The following TRERF1 variants were observed in gnomAD, a reference collection of about 807,000 sequenced individuals.
TRERF1 encodes the protein transcriptional-regulating factor 1.
In TRERF1, 27 loss-of-function variants were observed where a neutral mutation model predicts 122.9. That is an observed-to-expected ratio of 0.22 (90% confidence interval 0.16 to 0.30). TRERF1 has a LOEUF of 0.30. TRERF1 is among the 10% of genes least tolerant of loss of function. The pLI is 1.00. For missense variants in TRERF1, 1,248 were observed against 1,560.3 expected (o/e 0.80, Z 3.37); for synonymous variants, 636 against 641.7 (o/e 0.99, Z 0.13).
Position 42,228,161 on chromosome 6 carries a change from C to T in TRERF1, c.*184G>A. ...AATTATTTATTCCCCCAACCCCCCA[C>T]AAAAACAAATTTTTTTAAATAAAAG... On this transcript the variant is annotated 3_prime_UTR_variant, in exon 18 of 18. Coordinates refer to ENST00000372922, the Ensembl canonical transcript of TRERF1. The surrounding 1 kb of genome is among the most constrained non-coding windows in gnomAD (Gnocchi z 4.2). The T allele has an allele frequency of 1.8e-6, 1 of 563,496 alleles. No individual in the cohort carries two copies. 34.9% of individuals were successfully genotyped at this position (563,496 alleles called of 1,614,324 possible).
chr6:42,289,152 C>T (rs1783834236), intron 4 of TRERF1, among the ~76,000 whole-genome samples: 3 of 151,800 alleles, frequency 2.0e-5, no homozygotes, highest in African/African-American at 4.8e-5. Context: ...GGTGAAACCC[C>T]ATCTCTACTA....
intron 2 of TRERF1, among the ~76,000 whole-genome samples, chr6:42,417,365 T>C (rs1781988458): frequency 6.7e-6 from 1 of 149,450 alleles, no homozygotes; most frequent in Non-Finnish European, 1.5e-5. Context: ...CTGCCTCCTA[T>C]GCACAGTATG....
At position 42,268,216 on chromosome 6, in the gene TRERF1, T is replaced by C; in HGVS notation, c.1375A>G (p.Ile459Val). 6.8e-7 allele frequency: 1 copy of C among 1,480,920 alleles called. No homozygotes were observed. The highest frequency in any genetic ancestry group is 2.3e-5 in the East Asian group (1 of 42,574). 91.7% of individuals were successfully genotyped at this position (1,480,920 alleles called of 1,614,324 possible). Residue 459 changes from isoleucine (I) to valine (V), a missense_variant, in exon 5 of 18, where the codon ATC (isoleucine) becomes GTC (valine). Coordinates refer to ENST00000372922, the Ensembl canonical transcript of TRERF1. The surrounding 1 kb of genome is among the most constrained non-coding windows in gnomAD (Gnocchi z 4.4). ...TGAGGCCCCATGTTGTTGAGGTGGA[T>C]CCCACTGGGGGATAGGAGGGGGCGA...
In TRERF1 at chr6:42,259,586, A is replaced by C; in HGVS notation, c.2022T>G (p.Ala674=). 6.2e-7 allele frequency: 1 copy of C among 1,613,860 alleles called. No homozygotes were observed. The highest frequency in any genetic ancestry group is 8.5e-7 in the Non-Finnish European group (1 of 1,179,900). The change falls in exon 9 of 18, where the codon GCT becomes GCG. Residue 674 remains alanine (A), a synonymous_variant. Transcript: ENST00000372922. The surrounding 1 kb of genome is among the most constrained non-coding windows in gnomAD (Gnocchi z 4.9). ...ACAGGGTGGCGCCCGAGTAGGAGGC[A>C]GCGGGGTTCGGGTTGTAGGAGGGCG...
intron 2 of TRERF1, among the ~76,000 whole-genome samples, chr6:42,430,482 G>T (rs538314081): frequency 2.6e-5 from 4 of 152,356 alleles, no homozygotes; most frequent in South Asian, 4.1e-4. Flanking sequence ...AGGCGCTATG[G>T]CTCATGCCTG....
chr6:42,394,787 A>T (rs537473941), intron 2 of TRERF1, among the ~76,000 whole-genome samples: 53 of 152,228 alleles, frequency 3.5e-4, no homozygotes, highest in Non-Finnish European at 7.1e-4. Flanking sequence ...ATATTTAATC[A>T]TTTTAAAGGA....
intron 2 of TRERF1, among the ~76,000 whole-genome samples, chr6:42,391,774 G>T (rs1224230071): frequency 1.3e-5 from 2 of 152,268 alleles, no homozygotes; most frequent in East Asian, 3.9e-4. Context: ...TCAGAACATG[G>T]AGCAGTGGGC....
chr6:42,233,379 A>T (rs566745796), intron 16 of TRERF1, among the ~76,000 whole-genome samples: 1 of 141,174 alleles, frequency 7.1e-6, no homozygotes, highest in Admixed American at 7.8e-5. Context: ...TCCGCCTCCC[A>T]GGTTCACACC....
intron 2 of TRERF1, among the ~76,000 whole-genome samples, chr6:42,378,400 A>AC (rs375397709): frequency 1.2e-4 from 18 of 151,944 alleles, no homozygotes; most frequent in African/African-American, 3.9e-4. Context: ...AAAAAAAAAA[A>AC]CCCACATTTA....
intron 2 of TRERF1, among the ~76,000 whole-genome samples, chr6:42,368,393 C>T (rs966316586): frequency 6.6e-6 from 1 of 152,034 alleles, no homozygotes; most frequent in African/African-American, 2.4e-5. Flanking sequence ...GTTTCCTCGC[C>T]CCCCCAAGTT....
chr6:42,302,337 A>G (rs991973367), intron 3 of TRERF1, among the ~76,000 whole-genome samples: 1 of 152,244 alleles, frequency 6.6e-6, no homozygotes, highest in African/African-American at 2.4e-5. Context: ...GGGAGGCATT[A>G]CAAGTCATTT....
chr6:42,322,033 G>A (rs556110944), intron 3 of TRERF1, among the ~76,000 whole-genome samples: 5 of 152,328 alleles, frequency 3.3e-5, no homozygotes, highest in Non-Finnish European at 5.9e-5. Context: ...TAAAAGCAGA[G>A]ATGACAGAAG....
At chr6:42,287,081 G>A (rs1197043277) in intron 4 of TRERF1, among the ~76,000 whole-genome samples, 1 of 146,066 alleles carries the variant, frequency 6.8e-6, no homozygotes, top group Non-Finnish European at 1.5e-5. Context: ...TCATAGGTGG[G>A]AATTGAACAA....
intron 2 of TRERF1, among the ~76,000 whole-genome samples, chr6:42,363,347 C>T (rs1039806371): frequency 9.2e-5 from 14 of 152,326 alleles, no homozygotes; most frequent in Admixed American, 2.6e-4. Context: ...CTTTCCCTCA[C>T]ACCCCACGTC....
chr6:42,268,125 A>C lies in TRERF1; in HGVS notation c.1437+29T>G. 7.0e-7 allele frequency: 1 copy of C among 1,434,974 alleles called. No homozygotes were observed. The highest frequency in any genetic ancestry group is 1.9e-5 in the South Asian group (1 of 53,900). The allele number at this position is 1,434,974 out of a possible 1,614,324, so 88.9% of individuals were successfully genotyped here. A position where few individuals can be genotyped will look rare whatever the true frequency, so the allele number is the denominator to read the frequency against. Reference sequence around the variant, plus strand: ...GCCCTGACCCTGTAGCACACTGGGTATTGAGAGAAACTTCCAATGGGAGAA... The same window carrying C: ...GCCCTGACCCTGTAGCACACTGGGTCTTGAGAGAAACTTCCAATGGGAGAA... On this transcript the variant is annotated intron_variant, in intron 5 of 17. Coordinates refer to ENST00000372922, the Ensembl canonical transcript of TRERF1. The surrounding 1 kb of genome is among the most constrained non-coding windows in gnomAD (Gnocchi z 4.4).
intron 11 of TRERF1, 29 bp downstream of exon 11, chr6:42,256,934 C>G (rs1299607646): frequency 1.2e-6 from 2 of 1,613,802 alleles, no homozygotes; most frequent in Non-Finnish European, 1.7e-6. Context: ...TCAAACCTCT[C>G]CCACCCAGCT....
At chr6:42,299,098 G>A (rs4714594) in intron 4 of TRERF1, among the ~76,000 whole-genome samples, 270 of 71,734 alleles carry the variant, frequency 3.8e-3, no homozygotes, top group African/African-American at 0.012. Flanking sequence ...CTATCTATCT[G>A]TCTGTCTGTC....
Position 42,262,601 on chromosome 6 carries a change from C to CAG in TRERF1, c.1884+717_1884+718dup, listed in dbSNP as rs1554134255. 1.0e-4 allele frequency among the ~76,000 whole-genome samples: 6 copies of CAG among 59,184 alleles called. 1 individual carries two copies. Among genetic ancestry groups the CAG allele is most frequent in the Non-Finnish European group, 1.7e-4 (5 of 28,906 alleles). The allele number at this position is 59,184 out of a possible 152,430, so 38.8% of individuals were successfully genotyped here. A position where few individuals can be genotyped will look rare whatever the true frequency, so the allele number is the denominator to read the frequency against. ...AGAGAGAGAGAGAGAGAGAGAGAGA[C>CAG]AGACAGACGGAAACCCTTCCCAGAG... On this transcript the variant is annotated intron_variant, in intron 8 of 17. Transcript: ENST00000372922.
In TRERF1 at chr6:42,263,276, G is replaced by A. The variant is rs547501743; in HGVS notation, c.1884+44C>T. 1.9e-6 allele frequency: 3 copies of A among 1,565,152 alleles called. No homozygotes were observed. Among genetic ancestry groups the A allele is most frequent in the Admixed American group, 1.8e-5 (1 of 56,702 alleles). On this transcript the variant is annotated intron_variant, in intron 8 of 17. Transcript: ENST00000372922. This position sits in a 1 kb window ranked among gnomAD's most constrained non-coding sequence, Gnocchi z 5.6. ...GCAACTCACAGCAGGCGTGCGGGGGGCAGCCCCTTGGGGTGAGTGTGGGGG... is the reference window on the plus strand; with the variant it reads ...GCAACTCACAGCAGGCGTGCGGGGGACAGCCCCTTGGGGTGAGTGTGGGGG...
Sources: allele counts gnomAD v4.1 joint callset (sites outside exome capture counted in the v4.1 genomes callset), GRCh38; gene constraint gnomAD v4.1.1; non-coding constraint Gnocchi (gnomAD v3.1); transcripts MANE v1.5; gene names NCBI Gene and HGNC (gene_info 2026-07-23, HGNC 2026-07-21).